Variants in ADAMTS5 observed in about 807,000 individuals in gnomAD.
The protein encoded by ADAMTS5 is ADAM metallopeptidase with thrombospondin type 1 motif 5, also known as A disintegrin and metalloproteinase with thrombospondin motifs 5.
In ADAMTS5, 54 loss-of-function variants were observed where a neutral mutation model predicts 81.4. The observed-to-expected ratio is 0.66, with a 90% CI of 0.53 to 0.83. ADAMTS5 has a LOEUF of 0.83. Ranked by LOEUF, ADAMTS5 falls within the 40% of genes least tolerant of loss-of-function variation. The pLI is 0.00. For missense variants in ADAMTS5, 1,194 were observed against 1,229.9 expected (o/e 0.97, Z 0.44); for synonymous variants, 532 against 508.8 (o/e 1.05, Z -0.61).
Position 26,918,225 on chromosome 21 carries a change from A to C in ADAMTS5, c.*5828T>G, listed in dbSNP as rs1354233577. On this transcript the variant is annotated 3_prime_UTR_variant, in exon 8 of 8. Transcript: ENST00000284987. ...AGTTTTCCAAGATTTTTGGTTTTTC[A>C]ACTGCATTATATACCATTGCTTCTG... 1.3e-5 allele frequency: 2 copies of C among 152,436 alleles called. No individual in the cohort carries two copies. Among genetic ancestry groups the C allele is most frequent in the Admixed American group, 1.3e-4 (2 of 15,236 alleles). 9.4% of individuals were successfully genotyped at this position (152,436 alleles called of 1,614,324 possible). A position where few individuals can be genotyped will look rare whatever the true frequency, so the allele number is the denominator to read the frequency against.
intron 2 of ADAMTS5, among the ~76,000 whole-genome samples, chr21:26,953,017 G>A (rs749721065): frequency 9.2e-5 from 14 of 152,214 alleles, no homozygotes; most frequent in South Asian, 4.1e-4. Flanking sequence ...TTAAGGTTCT[G>A]TATTAGGCTG....
At chr21:26,928,920 A>C (rs1335064557) in intron 7 of ADAMTS5, among the ~76,000 whole-genome samples, 2 of 152,172 alleles carry the variant, frequency 1.3e-5, no homozygotes, top group Non-Finnish European at 2.9e-5. Flanking sequence ...GAAACATATA[A>C]AAATGCAGGA....
chr21:26,944,779 A>C (rs1464191606), intron 2 of ADAMTS5, among the ~76,000 whole-genome samples: 1 of 152,154 alleles, frequency 6.6e-6, no homozygotes, highest in East Asian at 1.9e-4. Flanking sequence ...CAGAGATGAA[A>C]TCTTTCACTT....
At position 26,934,763 on chromosome 21, in the gene ADAMTS5, T is replaced by C; in HGVS notation, c.1406-14A>G. 1 of 1,611,742 alleles carries C rather than the reference T, an allele frequency of 6.2e-7. No individual in the cohort carries two copies. The highest frequency in any genetic ancestry group is 1.1e-5 in the South Asian group (1 of 91,026). On this transcript the variant is annotated splice_polypyrimidine_tract_variant and intron_variant, in intron 3 of 7. Coordinates refer to ENST00000284987, the MANE Select transcript of ADAMTS5 (RefSeq NM_007038.5). ...GCAAACAGTTACCTACAAGAATAACTGAGATTGACCACGGCTCTGTGTTTA... is the reference window on the plus strand; with the variant it reads ...GCAAACAGTTACCTACAAGAATAACCGAGATTGACCACGGCTCTGTGTTTA...
In ADAMTS5 at chr21:26,920,562, T is replaced by G. The variant is rs1440920433; in HGVS notation, c.*3491A>C. On this transcript the variant is annotated 3_prime_UTR_variant, in exon 8 of 8. Transcript: ENST00000284987. Reference sequence around the variant, plus strand: ...GAGAAACAGACAACATTTGGTTTTATTATCGTTTGTATCCCTCAGAAGTTG... The same window carrying G: ...GAGAAACAGACAACATTTGGTTTTAGTATCGTTTGTATCCCTCAGAAGTTG... The G allele has an allele frequency of 6.6e-6, 1 of 152,150 alleles. No individual in the cohort carries two copies. Among genetic ancestry groups the G allele is most frequent in the Non-Finnish European group, 1.5e-5 (1 of 67,996 alleles). 9.4% of individuals were successfully genotyped at this position (152,150 alleles called of 1,614,324 possible).
Position 26,932,088 on chromosome 21 carries a change from T to C in ADAMTS5, c.1965A>G (p.Lys655=), listed in dbSNP as rs748386212. The C allele has an allele frequency of 3.7e-6, 6 of 1,614,220 alleles. No individual in the cohort carries two copies. Among genetic ancestry groups the C allele is most frequent in the Non-Finnish European group, 5.1e-6 (6 of 1,180,030 alleles). The change falls in exon 6 of 8, where the codon AAA becomes AAG. Residue 655 remains lysine (K), a synonymous_variant. Coordinates refer to ENST00000284987, the MANE Select transcript of ADAMTS5 (RefSeq NM_007038.5). ...GVKTFVEWVP[K]YAGVLPADVC... ...CATCCGCTGGCAGGACACCTGCATATTTGGGAACCCATTCCACAAAAGTTT... is the reference window on the plus strand; with the variant it reads ...CATCCGCTGGCAGGACACCTGCATACTTGGGAACCCATTCCACAAAAGTTT...
In ADAMTS5 at chr21:26,922,474, G is replaced by A. The variant is rs1033268605; in HGVS notation, c.*1579C>T. 6.6e-6 allele frequency: 1 copy of A among 151,944 alleles called. No homozygotes were observed. The highest frequency in any genetic ancestry group is 2.4e-5 in the African/African-American group (1 of 41,400). 9.4% of individuals were successfully genotyped at this position (151,944 alleles called of 1,614,324 possible). A position where few individuals can be genotyped will look rare whatever the true frequency, so the allele number is the denominator to read the frequency against. On this transcript the variant is annotated 3_prime_UTR_variant, in exon 8 of 8. Coordinates refer to ENST00000284987, the MANE Select transcript of ADAMTS5 (RefSeq NM_007038.5). ...TCTTTAACAATAGGCACATTTGGCA[G>A]GATTACTATGAATTTTTATAAAGAA...
At chr21:26,960,637 A>G (rs1987512233) in intron 1 of ADAMTS5, among the ~76,000 whole-genome samples, 1 of 152,168 alleles carries the variant, frequency 6.6e-6, no homozygotes, top group Admixed American at 6.5e-5. Context: ...AATTGGCTGG[A>G]GCCTTGGTCT....
chr21:26,952,685 C>T (rs1229480671), intron 2 of ADAMTS5, among the ~76,000 whole-genome samples: 1 of 152,188 alleles, frequency 6.6e-6, no homozygotes, highest in Non-Finnish European at 1.5e-5. Context: ...GATTTGGAGC[C>T]CATAATCCTG....
intron 5 of ADAMTS5, 142 bp from the exon 6 acceptor site, chr21:26,932,321 G>A (rs978646026): frequency 1.3e-6 from 1 of 779,246 alleles, no homozygotes; most frequent in Non-Finnish European, 1.9e-6. Context: ...CAATGCTGAT[G>A]GATTTTATCT....
At chr21:26,924,650 G>A in intron 7 of ADAMTS5, 30 bp from the exon 8 acceptor site, 1 of 1,531,360 alleles carries the variant, frequency 6.5e-7, no homozygotes, top group Non-Finnish European at 8.8e-7. Context: ...CAGGAAGTGG[G>A]GGAAGGTGGT....
chr21:26,950,175 A>G (rs1250156981), intron 2 of ADAMTS5, among the ~76,000 whole-genome samples: 1 of 152,176 alleles, frequency 6.6e-6, no homozygotes, highest in Non-Finnish European at 1.5e-5. Context: ...TTTATAATTA[A>G]CCACTATAAA....
At position 26,943,258 on chromosome 21, in the gene ADAMTS5, A is replaced by G. The variant is rs1034534498; in HGVS notation, c.1405+122T>C. The G allele has an allele frequency of 1.1e-5, 11 of 1,001,782 alleles. No homozygotes were observed. In the African/African-American group the frequency reaches 1.8e-4, roughly 17 times the overall value. The allele number at this position is 1,001,782 out of a possible 1,614,324, so 62.1% of individuals were successfully genotyped here. On this transcript the variant is annotated intron_variant, in intron 3 of 7. Transcript: ENST00000284987. ...ATCAATTTTCTTGGTCTTTCTTCTG[A>G]CACTATCCACACAACTATTGTCTTA...
Position 26,960,258 on chromosome 21 carries a change from G to A in ADAMTS5, c.1104+5030C>T, listed in dbSNP as rs138789246. On this transcript the variant is annotated intron_variant, in intron 1 of 7. Transcript: ENST00000284987. ...AAACAGCCTGCTCACCCAGGATCCA[G>A]TCCACTACTTAGACCAGAAGGTTCA... 9.9e-5 allele frequency among the ~76,000 whole-genome samples: 15 copies of A among 152,284 alleles called. 1 individual carries two copies. In the East Asian group the frequency reaches 2.9e-3, roughly 29 times the overall value.
intron 3 of ADAMTS5, among the ~76,000 whole-genome samples, 171 bp downstream of exon 3, chr21:26,943,209 G>A (rs995947115): frequency 1.3e-5 from 2 of 152,278 alleles, no homozygotes; most frequent in African/African-American, 4.8e-5. Flanking sequence ...CACCAAGGAC[G>A]TTGGCAGTAC....
chr21:26,957,082 G>C (rs187013471), intron 1 of ADAMTS5, among the ~76,000 whole-genome samples: 113 of 152,200 alleles, frequency 7.4e-4, no homozygotes, highest in Middle Eastern at 3.4e-3. Context: ...TCAAATCTTG[G>C]CAAACAGTTA....
intron 1 of ADAMTS5, among the ~76,000 whole-genome samples, chr21:26,955,691 C>T (rs1297263398): frequency 6.6e-6 from 1 of 152,044 alleles, no homozygotes. Context: ...ATATAAGCCG[C>T]AACTTTTTGA....
chr21:26,956,010 C>T (rs1987419991), intron 1 of ADAMTS5, among the ~76,000 whole-genome samples: 1 of 152,166 alleles, frequency 6.6e-6, no homozygotes, highest in South Asian at 2.1e-4. Context: ...ATAGTAGGAA[C>T]TCAGCAAACA....
intron 1 of ADAMTS5, among the ~76,000 whole-genome samples, chr21:26,955,436 A>G (rs1287005506): frequency 6.6e-6 from 1 of 152,230 alleles, no homozygotes; most frequent in African/African-American, 2.4e-5. Context: ...CTTCTTACTC[A>G]TAACATTTAA....
Sources: gnomAD v4.1 joint callset for allele counts (sites outside exome capture counted in the v4.1 genomes callset) on GRCh38, gnomAD v4.1.1 for gene constraint, MANE v1.5 for transcripts, NCBI Gene and HGNC (gene_info 2026-07-23, HGNC 2026-07-21) for gene names.